ECT2: variants seen among roughly 807,000 people sequenced by gnomAD.
ECT2 encodes protein ECT2.
In ECT2, 61 loss-of-function variants were observed where a neutral mutation model predicts 116.9. That is an observed-to-expected ratio of 0.52 (90% CI 0.42 to 0.65). ECT2 has a LOEUF of 0.65. Ranked by LOEUF, ECT2 falls within the 30% of genes least tolerant of loss-of-function variation. ECT2 has a pLI of 0.00. For synonymous variants in ECT2, 358 were observed against 346.4 expected (o/e 1.03, Z -0.37); for missense variants, 937 against 1,078.7 (o/e 0.87, Z 1.84).
intron 13 of ECT2, among the ~76,000 whole-genome samples, chr3:172,773,557 AGCAGATTGCTTGTT>A (rs1721057465): frequency 6.6e-6 from 1 of 152,244 alleles, no homozygotes; most frequent in African/African-American, 2.4e-5. Context: ...GTCTGGAGGC[AGCAGATTGCTTGTT>A]GCTTTCATCC....
rs1723288120 is a variant in ECT2 at position 172,784,598 on chromosome 3, C to T, written c.1729-109C>T. ...GCCACGGAGAAATTCCACTTCTTCTCTATTAGTTTGTATCACAGACACTAA... is the reference window on the plus strand; with the variant it reads ...GCCACGGAGAAATTCCACTTCTTCTTTATTAGTTTGTATCACAGACACTAA... On this transcript the variant is annotated intron_variant, in intron 16 of 24. Transcript: ENST00000392692. 1.2e-5 allele frequency: 9 copies of T among 775,688 alleles called. 1 individual carries two copies. In the East Asian group the frequency reaches 2.3e-4, roughly 20 times the overall value. The allele number at this position is 775,688 out of a possible 1,614,324, so 48.1% of individuals were successfully genotyped here.
chr3:172,792,800 C>T (rs1250601647), intron 18 of ECT2, among the ~76,000 whole-genome samples: 2 of 152,082 alleles, frequency 1.3e-5, no homozygotes, highest in Non-Finnish European at 2.9e-5. Context: ...TCACTATAAC[C>T]TCCACCTCCC....
intron 22 of ECT2, among the ~76,000 whole-genome samples, chr3:172,808,944 T>G (rs979210470): frequency 6.6e-6 from 1 of 152,094 alleles, no homozygotes; most frequent in Non-Finnish European, 1.5e-5. Flanking sequence ...TATGTTCTTA[T>G]AAATAAAAAA....
At chr3:172,793,133 G>A (rs537471522) in intron 18 of ECT2, among the ~76,000 whole-genome samples, 15 of 152,188 alleles carry the variant, frequency 9.9e-5, no homozygotes, top group African/African-American at 3.4e-4. Flanking sequence ...CCAACAATTG[G>A]TATGGTCAGT....
chr3:172,784,367 A>AT (rs1180465251), intron 16 of ECT2, among the ~76,000 whole-genome samples: 4 of 151,984 alleles, frequency 2.6e-5, no homozygotes, highest in African/African-American at 4.8e-5. Context: ...GCTTTTAATG[A>AT]TTTTTTTTCT....
Position 172,786,502 on chromosome 3 carries a change from A to C in ECT2, c.1835A>C (p.Lys612Thr). Residue 612 changes from lysine (K) to threonine (T), a missense_variant, in exon 18 of 25, where the codon AAG becomes ACG. By Grantham distance (78) the Lys-to-Thr change is moderately conservative (BLOSUM62 -1). Transcript: ENST00000392692. Reference sequence around the variant, plus strand: ...CATTGTATTATTACAGATCTTAAGAAGCATACAGCTGATGAAAATCCAGAC... The same window carrying C: ...CATTGTATTATTACAGATCTTAAGACGCATACAGCTGATGAAAATCCAGAC... ...SVALLLNDLK[K>T]HTADENPDKS... 1 of 1,605,262 alleles carries C rather than the reference A, an allele frequency of 6.2e-7. No homozygotes were observed. The highest frequency in any genetic ancestry group is 8.5e-7 in the Non-Finnish European group (1 of 1,174,388).
chr3:172,761,015 C>T (rs1718182021), intron 7 of ECT2, among the ~76,000 whole-genome samples: 1 of 152,122 alleles, frequency 6.6e-6, no homozygotes, highest in South Asian at 2.1e-4. Flanking sequence ...GCCACTGTGC[C>T]TGGCTGTCTA....
At chr3:172,772,026 C>T (rs1268822856) in intron 13 of ECT2, among the ~76,000 whole-genome samples, 1 of 152,104 alleles carries the variant, frequency 6.6e-6, no homozygotes, top group Non-Finnish European at 1.5e-5. Context: ...GATAGGGTCT[C>T]ACTCTGTTGC....
intron 22 of ECT2, among the ~76,000 whole-genome samples, chr3:172,808,136 T>C (rs1728105957): frequency 6.6e-6 from 1 of 152,196 alleles, no homozygotes; most frequent in South Asian, 2.1e-4. Context: ...TTACATAAGG[T>C]AGGCCCTCAT....
intron 22 of ECT2, among the ~76,000 whole-genome samples, chr3:172,815,065 T>C (rs1292435669): frequency 1.3e-5 from 2 of 152,192 alleles, no homozygotes; most frequent in Non-Finnish European, 2.9e-5. Flanking sequence ...TGATACAAGC[T>C]GTGAACCCAC....
intron 14 of ECT2, among the ~76,000 whole-genome samples, chr3:172,778,110 G>A (rs1470139784): frequency 1.3e-5 from 2 of 152,148 alleles, no homozygotes; most frequent in Admixed American, 1.3e-4. Flanking sequence ...ACTTAACAGT[G>A]CAGAATAAAT....
At chr3:172,827,727 G>A in the ECT2 span, among the ~76,000 whole-genome samples, 1 of 152,192 alleles carries the variant, frequency 6.6e-6, no homozygotes, top group African/African-American at 2.4e-5. Context: ...ACAATAGGTT[G>A]ACTATAGGTA....
At chr3:172,786,406 T>C (rs1375534258) in intron 17 of ECT2, 87 bp from the exon 18 acceptor site, 1 of 769,786 alleles carries the variant, frequency 1.3e-6, no homozygotes, top group Non-Finnish European at 2.1e-6. Context: ...CTTTAAAAAT[T>C]AGCTGTATCA....
rs1318862230 is a variant in ECT2 at position 172,818,536 on chromosome 3, C to A, written c.2656-1612C>A. The A allele has an allele frequency of 2.4e-6, 3 of 1,241,952 alleles. No individual in the cohort carries two copies. In the African/African-American group the frequency reaches 4.7e-5, roughly 19 times the overall value. 76.9% of individuals were successfully genotyped at this position (1,241,952 alleles called of 1,614,324 possible). ...ATGTCATCTTCTCAATTGCTTGTTT[C>A]TGTTCTAACAGATTACCCATTCTGT... On this transcript the variant is annotated intron_variant, in intron 24 of 24. Coordinates refer to ENST00000392692, the MANE Select transcript of ECT2 (RefSeq NM_001258315.2).
chr3:172,760,531 C>T (rs1263908512), intron 7 of ECT2, among the ~76,000 whole-genome samples: 1 of 151,706 alleles, frequency 6.6e-6, no homozygotes, highest in Non-Finnish European at 1.5e-5. Flanking sequence ...ATCCTCCTGC[C>T]TTGGCCTCCC....
Position 172,783,914 on chromosome 3 carries a change from T to A in ECT2, c.1728+5T>A. On this transcript the variant is annotated splice_donor_5th_base_variant and intron_variant, in intron 16 of 24. Coordinates refer to ENST00000392692, the MANE Select transcript of ECT2 (RefSeq NM_001258315.2). Reference sequence around the variant, plus strand: ...AGATTTCATGCTTTTCTCAAGGTAATGTGTGTTTCTTTCAAATAAAAATTT... The same window carrying A: ...AGATTTCATGCTTTTCTCAAGGTAAAGTGTGTTTCTTTCAAATAAAAATTT... 6.6e-7 allele frequency: 1 copy of A among 1,515,674 alleles called. No homozygotes were observed. Among genetic ancestry groups the A allele is most frequent in the South Asian group, 1.2e-5 (1 of 82,664 alleles). 93.9% of individuals were successfully genotyped at this position (1,515,674 alleles called of 1,614,324 possible). A position where few individuals can be genotyped will look rare whatever the true frequency, so the allele number is the denominator to read the frequency against.
At chr3:172,809,587 A>G (rs1000748047) in intron 22 of ECT2, among the ~76,000 whole-genome samples, 1 of 151,376 alleles carries the variant, frequency 6.6e-6, no homozygotes, top group African/African-American at 2.4e-5. Context: ...ACACACACAC[A>G]CACACACACA....
chr3:172,827,656 G>GT, the ECT2 span, among the ~76,000 whole-genome samples: 2 of 152,308 alleles, frequency 1.3e-5, no homozygotes, highest in Non-Finnish European at 2.9e-5. Context: ...ATAAAGAGGG[G>GT]TTGGTCAATG....
chr3:172,828,739 C>T, the ECT2 span: 11 of 540,760 alleles, frequency 2.0e-5, no homozygotes, highest in East Asian at 3.6e-5. Context: ...CCTCACGTGG[C>T]GAAGAGGATG....
Sources: allele counts gnomAD v4.1 joint callset (sites outside exome capture counted in the v4.1 genomes callset), GRCh38; gene constraint gnomAD v4.1.1; transcripts MANE v1.5; gene names NCBI Gene and HGNC (gene_info 2026-07-23, HGNC 2026-07-21).